The following HAPLN1 variants were observed in gnomAD, a reference collection of about 807,000 sequenced individuals.
The protein encoded by HAPLN1 is Cartilage link protein.
HAPLN1 carries 13 observed loss-of-function variants against 36.5 expected under a neutral mutation model. The observed-to-expected ratio is 0.36, with a 90% CI of 0.23 to 0.57. The LOEUF is 0.57. HAPLN1 is among the 20% of genes least tolerant of loss of function. The pLI is 0.83. For missense variants in HAPLN1, 407 were observed against 439.7 expected (o/e 0.93, Z 0.66); for synonymous variants, 202 against 169.8 (o/e 1.19, Z -1.48).
At position 83,644,431 on chromosome 5, in the gene HAPLN1, C is replaced by T. The variant is rs376426770; in HGVS notation, c.707G>A (p.Arg236Lys). ...ATCTTTATCCCAAAATCCGTAGTTC[C>T]TGACTCCGGGCACTGTGTTCTGCCC... ...CGGQNTVPGVRNYGFWDKDKS... is the reference protein window; with the variant it reads ...CGGQNTVPGVKNYGFWDKDKS... Residue 236 changes from arginine to lysine, a missense_variant, in exon 4 of 5, where the codon AGG becomes AAG. Physicochemically the swap from Arg to Lys is conservative, Grantham distance 26 (BLOSUM62 2). Coordinates refer to ENST00000274341, the MANE Select transcript of HAPLN1 (RefSeq NM_001884.4). 7 of 1,606,132 alleles carry T rather than the reference C, an allele frequency of 4.4e-6. No individual in the cohort carries two copies. Among genetic ancestry groups the T allele is most frequent in the Non-Finnish European group, 5.1e-6 (6 of 1,177,770 alleles).
intron 2 of HAPLN1, among the ~76,000 whole-genome samples, chr5:83,670,764 G>A (rs1055764866): frequency 5.3e-5 from 8 of 151,736 alleles, no homozygotes; most frequent in African/African-American, 7.3e-5. Flanking sequence ...GCACCATCTC[G>A]GCTCACTGCA....
At chr5:83,670,600 C>T (rs1750681630) in intron 2 of HAPLN1, among the ~76,000 whole-genome samples, 1 of 152,048 alleles carries the variant, frequency 6.6e-6, no homozygotes, top group African/African-American at 2.4e-5. Context: ...TTTCTCATTA[C>T]CAGAGAAATG....
chr5:83,691,378 C>T (rs1020345025), intron 1 of HAPLN1, among the ~76,000 whole-genome samples: 2 of 151,926 alleles, frequency 1.3e-5, no homozygotes, highest in Non-Finnish European at 2.9e-5. Context: ...CTATCCAAGT[C>T]TAAGGAAAAA....
At chr5:83,686,354 C>A (rs970800300) in intron 1 of HAPLN1, among the ~76,000 whole-genome samples, 1 of 152,100 alleles carries the variant, frequency 6.6e-6, no homozygotes, top group Non-Finnish European at 1.5e-5. Flanking sequence ...GAAGAGGGAA[C>A]AAGACCAGCC....
At chr5:83,645,138 G>GA (rs61039560) in intron 3 of HAPLN1, among the ~76,000 whole-genome samples, 111,834 of 151,744 alleles carry the variant, frequency 0.74, 41,746 homozygotes, top group African/African-American at 0.86. Context: ...TGCTCCAAGA[G>GA]AGGTACTTAT....
chr5:83,718,752 GA>G (rs546352718), intron 1 of HAPLN1, among the ~76,000 whole-genome samples: 26 of 152,254 alleles, frequency 1.7e-4, no homozygotes, highest in Admixed American at 7.2e-4. Flanking sequence ...TATTTCGTCA[GA>G]ATTTTAACTG....
intron 1 of HAPLN1, among the ~76,000 whole-genome samples, chr5:83,675,859 C>G (rs1213792617): frequency 6.6e-6 from 1 of 152,120 alleles, no homozygotes; most frequent in Admixed American, 6.6e-5. Context: ...GGGATACAGA[C>G]AGTAATCTTG....
At position 83,673,577 on chromosome 5, in the gene HAPLN1, T is replaced by C; in HGVS notation, c.-26-28A>G. The C allele has an allele frequency of 2.3e-6, 3 of 1,318,816 alleles. No homozygotes were observed. In the South Asian group the frequency reaches 3.6e-5, roughly 16 times the overall value. The allele number at this position is 1,318,816 out of a possible 1,614,324, so 81.7% of individuals were successfully genotyped here. A position where few individuals can be genotyped will look rare whatever the true frequency, so the allele number is the denominator to read the frequency against. Reference sequence around the variant, plus strand: ...GCGAGAGCATCACATACAAAGAGGCTTGTGAGATTTGGAACCCTTTGGAGT... The same window carrying C: ...GCGAGAGCATCACATACAAAGAGGCCTGTGAGATTTGGAACCCTTTGGAGT... On this transcript the variant is annotated intron_variant, in intron 1 of 4. Coordinates refer to ENST00000274341, the MANE Select transcript of HAPLN1 (RefSeq NM_001884.4).
At chr5:83,668,940 A>G (rs1750628368) in intron 2 of HAPLN1, among the ~76,000 whole-genome samples, 1 of 152,094 alleles carries the variant, frequency 6.6e-6, no homozygotes, top group African/African-American at 2.4e-5. Context: ...GATAGACTTT[A>G]TTTTTTTCTA....
intron 2 of HAPLN1, among the ~76,000 whole-genome samples, chr5:83,664,043 C>T (rs1750486536): frequency 6.6e-6 from 1 of 152,108 alleles, no homozygotes; most frequent in Admixed American, 6.6e-5. Flanking sequence ...GGAATAAAGT[C>T]TGAACTCTGA....
intron 1 of HAPLN1, among the ~76,000 whole-genome samples, chr5:83,717,916 CAA>C (rs143273213): frequency 2.7e-4 from 41 of 152,200 alleles, no homozygotes; most frequent in African/African-American, 9.2e-4. Flanking sequence ...ATAAAAAAAT[CAA>C]AGAATATGAA....
chr5:83,700,890 T>TTTA, intron 1 of HAPLN1, among the ~76,000 whole-genome samples: 1 of 152,122 alleles, frequency 6.6e-6, no homozygotes, highest in South Asian at 2.1e-4. Context: ...CAAAATAAAG[T>TTTA]TTTTCAACTC....
chr5:83,678,068 A>G (rs1339376921), intron 1 of HAPLN1, among the ~76,000 whole-genome samples: 1 of 151,948 alleles, frequency 6.6e-6, no homozygotes, highest in Non-Finnish European at 1.5e-5. Flanking sequence ...CAAATTTGAG[A>G]CCCACTGGGC....
At chr5:83,649,996 A>G (rs1750007577) in intron 3 of HAPLN1, among the ~76,000 whole-genome samples, 1 of 152,228 alleles carries the variant, frequency 6.6e-6, no homozygotes, top group Admixed American at 6.5e-5. Context: ...TGCTATGAGA[A>G]CATCATGGAG....
At chr5:83,685,286 G>A (rs577233899) in intron 1 of HAPLN1, among the ~76,000 whole-genome samples, 5 of 152,302 alleles carry the variant, frequency 3.3e-5, no homozygotes, top group Admixed American at 1.3e-4. Context: ...ACACACTGTA[G>A]AAGCTCAGGG....
chr5:83,665,950 A>G (rs2112587532), intron 2 of HAPLN1, among the ~76,000 whole-genome samples: 1 of 152,320 alleles, frequency 6.6e-6, no homozygotes, highest in Non-Finnish European at 1.5e-5. Context: ...AAGGCAGACA[A>G]GTCTAGGGCT....
Position 83,688,139 on chromosome 5 carries a change from G to A in HAPLN1, c.-26-14590C>T, listed in dbSNP as rs140429310. On this transcript the variant is annotated intron_variant, in intron 1 of 4. Transcript: ENST00000274341. ...CAGACCCAAGTGTTAGCTCCTTCCT[G>A]ATCCTCTCCCATTGAAACCATCATT... 2.3e-3 allele frequency among the ~76,000 whole-genome samples: 349 copies of A among 152,220 alleles called. 1 individual carries two copies. Among genetic ancestry groups the A allele is most frequent in the Non-Finnish European group, 3.9e-3 (266 of 68,012 alleles).
At chr5:83,713,109 A>G (rs1451128346) in intron 1 of HAPLN1, among the ~76,000 whole-genome samples, 9 of 152,216 alleles carry the variant, frequency 5.9e-5, no homozygotes, top group Admixed American at 5.9e-4. Flanking sequence ...TACACCACAC[A>G]TTGATTACTG....
chr5:83,715,786 A>T (rs1228983863), intron 1 of HAPLN1, among the ~76,000 whole-genome samples: 1 of 152,232 alleles, frequency 6.6e-6, no homozygotes, highest in Admixed American at 6.5e-5. Context: ...TCAGCTCAGC[A>T]TTTGCACACA....
Sources: allele counts gnomAD v4.1 joint callset (sites outside exome capture counted in the v4.1 genomes callset), GRCh38; gene constraint gnomAD v4.1.1; transcripts MANE v1.5; gene names NCBI Gene and HGNC (gene_info 2026-07-23, HGNC 2026-07-21).